PLAGL1: variants seen among roughly 807,000 people sequenced by gnomAD.
PLAGL1 encodes zinc finger protein PLAGL1.
Under a neutral mutation model 4.6 loss-of-function variants are expected in PLAGL1, and 1 was observed. The ratio of observed to expected loss-of-function variants is 0.22; its 90% CI spans 0.08 to 1.03. The LOEUF (loss-of-function observed/expected upper bound fraction) is 1.03. PLAGL1 is among the 50% of genes least tolerant of loss of function. The probability of loss-of-function intolerance (pLI) is 0.58; values close to 1 mark genes in which losing one functional copy is unlikely to be tolerated. For synonymous variants in PLAGL1, 240 were observed against 237.8 expected, an observed-to-expected ratio of 1.01 and a Z score of -0.08; for missense variants, 464 against 570.4, an observed-to-expected ratio of 0.81 and a Z score of 1.90.
chr6:144,008,984 A>G (rs561024576), upstream of PLAGL1, among the ~76,000 whole-genome samples: 5 of 152,344 alleles, frequency 3.3e-5, no homozygotes, highest in African/African-American at 1.2e-4. The surrounding 1 kb of genome is among the most constrained non-coding windows in gnomAD (Gnocchi z 6.9). Flanking sequence ...TTTAAGAAAA[A>G]TAAACTGAAG....
intron 1 of PLAGL1, among the ~76,000 whole-genome samples, chr6:144,030,510 C>A (rs1477236839): frequency 6.6e-6 from 1 of 152,114 alleles, no homozygotes; most frequent in Non-Finnish European, 1.5e-5. Context: ...CAACCTTTTC[C>A]CCCAAGTCCC....
In PLAGL1 at chr6:143,958,715, A is replaced by AT. The variant is rs1782707248; in HGVS notation, c.-325+1753dup. Among the ~76,000 whole-genome samples, 1 of 152,126 alleles carries AT rather than the reference A, an allele frequency of 6.6e-6. No homozygotes were observed. Among genetic ancestry groups the AT allele is most frequent in the South Asian group, 2.1e-4 (1 of 4,830 alleles). On this transcript the variant is annotated intron_variant, in intron 6 of 7. Coordinates refer to ENST00000674357, the MANE Select transcript of PLAGL1 (RefSeq NM_001317162.2). This position sits in a 1 kb window ranked among gnomAD's most constrained non-coding sequence, Gnocchi z 5.1. ...TCCTTTAAGATTATCCTGATTCTTG[A>AT]TTTTTTCTTTTTAAACTGATTAACA...
At chr6:144,010,820 T>C (rs182463822), upstream of PLAGL1, among the ~76,000 whole-genome samples, 170 of 152,278 alleles carry the variant, frequency 1.1e-3, no homozygotes, top group African/African-American at 4.0e-3. This position sits in a 1 kb window ranked among gnomAD's most constrained non-coding sequence, Gnocchi z 4.1. Flanking sequence ...AACCATCTGA[T>C]CTGTGACAAA....
At chr6:144,043,755 C>A (rs547683594) in intron 1 of PLAGL1, among the ~76,000 whole-genome samples, 88 of 152,228 alleles carry the variant, frequency 5.8e-4, no homozygotes, top group Middle Eastern at 3.4e-3. Flanking sequence ...AGGAATGGTA[C>A]CAGCTCCTCT....
At position 143,953,078 on chromosome 6, in the gene PLAGL1, CTCCTGGAATG is replaced by C. The variant is rs1367974377; in HGVS notation, c.-324-4628_-324-4619del. Among the ~76,000 whole-genome samples the C allele has an allele frequency of 2.6e-5, 4 of 152,228 alleles. No individual in the cohort carries two copies. The highest frequency in any genetic ancestry group is 4.4e-5 in the Non-Finnish European group (3 of 68,042). ...TTCTCTCACGCTTCTGGCTTTCTCC[CTCCTGGAATG>C]TCCTGGGAACCCTTGTCTACCTGGC... On this transcript the variant is annotated intron_variant, in intron 6 of 7. Coordinates refer to ENST00000674357, the MANE Select transcript of PLAGL1 (RefSeq NM_001317162.2). This position sits in a 1 kb window ranked among gnomAD's most constrained non-coding sequence, Gnocchi z 5.3.
rs1336441567 is a variant in PLAGL1, at chr6:143,960,871, C to G, written c.-398-329G>C. ...TTTAAAACCAACAGTATTAAAATAC[C>G]ATAAAACAGGTATGCAAATCTATGC... On this transcript the variant is annotated intron_variant, in intron 5 of 7. Transcript: ENST00000674357. This position sits in a 1 kb window ranked among gnomAD's most constrained non-coding sequence, Gnocchi z 5.7. 12 of 151,984 alleles carry G rather than the reference C, an allele frequency of 7.9e-5. No individual in the cohort carries two copies. Among genetic ancestry groups the G allele is most frequent in the Admixed American group, 7.9e-4 (12 of 15,262 alleles). The allele number at this position is 151,984 out of a possible 1,614,324, so 9.4% of individuals were successfully genotyped here.
At chr6:143,981,544 A>G (rs1282515052) in intron 2 of PLAGL1, among the ~76,000 whole-genome samples, 1 of 152,126 alleles carries the variant, frequency 6.6e-6, no homozygotes, top group Non-Finnish European at 1.5e-5. Flanking sequence ...GCCTTCCTGC[A>G]CTGCAGCCTG....
chr6:143,985,289 G>A lies in PLAGL1; in HGVS notation c.-583-115C>T, dbSNP rs538801615. 6.6e-6 allele frequency: 1 copy of A among 152,296 alleles called. No homozygotes were observed. The highest frequency in any genetic ancestry group is 1.5e-5 in the Non-Finnish European group (1 of 68,026). The allele number at this position is 152,296 out of a possible 1,614,324, so 9.4% of individuals were successfully genotyped here. On this transcript the variant is annotated intron_variant, in intron 1 of 7. Transcript: ENST00000674357. The surrounding 1 kb of genome is among the most constrained non-coding windows in gnomAD (Gnocchi z 4.4). ...GCAATTTTAAAAGAGGCTTTACTCA[G>A]TCTCCCACAATAGTAACATTTCACA...
chr6:143,947,813 A>G lies in PLAGL1; in HGVS notation c.152+172T>C, dbSNP rs569342901. Among the ~76,000 whole-genome samples, 1 of 152,360 alleles carries G rather than the reference A, an allele frequency of 6.6e-6. No individual in the cohort carries two copies. The highest frequency in any genetic ancestry group is 6.5e-5 in the Admixed American group (1 of 15,306). Reference sequence around the variant, plus strand: ...AAGAATGAACTGACACTGCACAACAAGACGGTCACATAAAACCACAGGAAT... The same window carrying G: ...AAGAATGAACTGACACTGCACAACAGGACGGTCACATAAAACCACAGGAAT... On this transcript the variant is annotated intron_variant, in intron 7 of 7. Coordinates refer to ENST00000674357, the MANE Select transcript of PLAGL1 (RefSeq NM_001317162.2). The surrounding 1 kb of genome is among the most constrained non-coding windows in gnomAD (Gnocchi z 4.3).
At chr6:144,010,930 C>T (rs996195906), upstream of PLAGL1, among the ~76,000 whole-genome samples, 21 of 152,144 alleles carry the variant, frequency 1.4e-4, no homozygotes, top group Non-Finnish European at 2.4e-4. This position sits in a 1 kb window ranked among gnomAD's most constrained non-coding sequence, Gnocchi z 4.1. Context: ...TGGACCGCTT[C>T]GTTACACCTT....
chr6:143,998,634 G>C (rs944334632), intron 1 of PLAGL1, among the ~76,000 whole-genome samples: 25 of 152,150 alleles, frequency 1.6e-4, no homozygotes, highest in African/African-American at 5.8e-4. Flanking sequence ...AAGACATTTA[G>C]ATATAAAGAT....
intron 6 of PLAGL1, among the ~76,000 whole-genome samples, chr6:143,951,072 C>G (rs536444148): frequency 6.6e-6 from 1 of 151,744 alleles, no homozygotes; most frequent in Non-Finnish European, 1.5e-5. Context: ...TTCTGTGAAT[C>G]CAGTGGAAAG....
chr6:143,942,627 C>T lies in PLAGL1; in HGVS notation c.189G>A (p.Gln63=). The T allele has an allele frequency of 6.2e-7, 1 of 1,613,814 alleles. No homozygotes were observed. Among genetic ancestry groups the T allele is most frequent in the Non-Finnish European group, 8.5e-7 (1 of 1,179,804 alleles). Reference sequence around the variant, plus strand: ...TGAACGTCTTCTCACAGTGAGCACACTGGTGAGATTTCTGGGGAGAATGGG... The same window carrying T: ...TGAACGTCTTCTCACAGTGAGCACATTGGTGAGATTTCTGGGGAGAATGGG... ...MATHSPQKSH[Q]CAHCEKTFNR... Residue 63 remains glutamine, a synonymous_variant, in exon 8 of 8, where the codon CAG becomes CAA. Transcript: ENST00000674357. The surrounding 1 kb of genome is among the most constrained non-coding windows in gnomAD (Gnocchi z 7.6).
Position 143,962,412 on chromosome 6 carries a change from C to T in PLAGL1, c.-398-1870G>A, listed in dbSNP as rs1274073072. Among the ~76,000 whole-genome samples, 6 of 152,094 alleles carry T rather than the reference C, an allele frequency of 3.9e-5. No individual in the cohort carries two copies. Among genetic ancestry groups the T allele is most frequent in the Non-Finnish European group, 7.4e-5 (5 of 68,014 alleles). ...AAACAATCCTAAAGATAAATGTTTC[C>T]GAGTTCCAGAGTAACAAGAAGAATC... On this transcript the variant is annotated intron_variant, in intron 5 of 7. Transcript: ENST00000674357. This position sits in a 1 kb window ranked among gnomAD's most constrained non-coding sequence, Gnocchi z 5.3.
intron 6 of PLAGL1, among the ~76,000 whole-genome samples, chr6:143,956,757 G>A (rs571494412): frequency 6.6e-6 from 1 of 152,332 alleles, no homozygotes; most frequent in African/African-American, 2.4e-5. Context: ...AACTGAAACA[G>A]GAAGAAGTCC....
rs1221089127 is a variant in PLAGL1, at chr6:143,958,536, G to A, written c.-325+1933C>T. Among the ~76,000 whole-genome samples the A allele has an allele frequency of 6.6e-6, 1 of 152,172 alleles. No homozygotes were observed. Among genetic ancestry groups the A allele is most frequent in the Non-Finnish European group, 1.5e-5 (1 of 68,038 alleles). ...AGAAGCATGCCTGTCTGCCTCTCGG[G>A]ACACAGGCCGTACTTTATTAGACAC... On this transcript the variant is annotated intron_variant, in intron 6 of 7. Coordinates refer to ENST00000674357, the MANE Select transcript of PLAGL1 (RefSeq NM_001317162.2). This position sits in a 1 kb window ranked among gnomAD's most constrained non-coding sequence, Gnocchi z 5.1.
rs1554277675 is a variant in PLAGL1 at position 144,027,231 on chromosome 6, G to GAACA, written c.-151+37236_-151+37237insTGTT. 5.4e-5 allele frequency among the ~76,000 whole-genome samples: 5 copies of GAACA among 91,792 alleles called. No individual in the cohort carries two copies. The East Asian group carries it at 9.7e-4, about 18-fold the overall frequency. 60.2% of individuals were successfully genotyped at this position (91,792 alleles called of 152,430 possible). ...AGAGAAAGACCCCAACTCAAAGAAC[G>GAACA]AACGAAAGAAAGAAAGAAAGAAAGA... On this transcript the variant is annotated intron_variant, in intron 1 of 3. Transcript: ENST00000437412. The surrounding 1 kb of genome is among the most constrained non-coding windows in gnomAD (Gnocchi z 5.8).
At chr6:144,032,651 T>A (rs1796918769) in intron 1 of PLAGL1, among the ~76,000 whole-genome samples, 2 of 152,202 alleles carry the variant, frequency 1.3e-5, no homozygotes, top group Admixed American at 1.3e-4. Flanking sequence ...AACGTCCGCC[T>A]CCTGGGCTCT....
rs1480535071 is a variant in PLAGL1, at chr6:143,985,260, A to T, written c.-583-86T>A. 1.3e-5 allele frequency: 2 copies of T among 152,248 alleles called. No individual in the cohort carries two copies. The highest frequency in any genetic ancestry group is 1.9e-4 in the East Asian group (1 of 5,204). The allele number at this position is 152,248 out of a possible 1,614,324, so 9.4% of individuals were successfully genotyped here. On this transcript the variant is annotated intron_variant, in intron 1 of 7. Coordinates refer to ENST00000674357, the MANE Select transcript of PLAGL1 (RefSeq NM_001317162.2). The surrounding 1 kb of genome is among the most constrained non-coding windows in gnomAD (Gnocchi z 4.4). ...ATAATTTTGAGATCACTGTAGGTTC[A>T]TATGCAATTTTAAAAGAGGCTTTAC...
Sources: gnomAD v4.1 joint callset for allele counts (sites outside exome capture counted in the v4.1 genomes callset) on GRCh38, gnomAD v4.1.1 for gene constraint, Gnocchi (gnomAD v3.1) non-coding constraint, MANE v1.5 for transcripts, NCBI Gene and HGNC (gene_info 2026-07-23, HGNC 2026-07-21) for gene names.